ADGRA2: variants seen among roughly 807,000 people sequenced by gnomAD.
The protein encoded by ADGRA2 is adhesion G protein-coupled receptor A2, also known as G-protein coupled receptor 124.
A neutral mutation model predicts 98.7 loss-of-function variants in ADGRA2; 61 were observed. That is an observed-to-expected ratio of 0.62 (90% CI 0.50 to 0.76). ADGRA2 has a LOEUF of 0.76. Among genes scored for constraint, ADGRA2 ranks in the 30% least tolerant of loss-of-function variants. The probability of loss-of-function intolerance (pLI) is 0.00; values close to 1 mark genes in which losing one functional copy is unlikely to be tolerated. For missense variants in ADGRA2, 1,712 were observed against 1,860.0 expected, an observed-to-expected ratio of 0.92 and a Z score of 1.46; for synonymous variants, 858 against 831.5, an observed-to-expected ratio of 1.03 and a Z score of -0.55.
At chr8:37,819,369 C>CTTATTA (rs201905533) in intron 2 of ADGRA2, among the ~76,000 whole-genome samples, 4 of 152,098 alleles carry the variant, frequency 2.6e-5, no homozygotes, top group African/African-American at 9.6e-5. Context: ...TATGCAAATA[C>CTTATTA]TTACTATTAT....
chr8:37,806,988 G>C (rs1330816459), intron 1 of ADGRA2, among the ~76,000 whole-genome samples: 1 of 152,210 alleles, frequency 6.6e-6, no homozygotes, highest in African/African-American at 2.4e-5. Context: ...AGACCTATGA[G>C]AGAAGGCAGG....
intron 2 of ADGRA2, among the ~76,000 whole-genome samples, chr8:37,816,081 C>G (rs1027646669): frequency 2.0e-5 from 3 of 152,160 alleles, no homozygotes; most frequent in African/African-American, 7.2e-5. Context: ...CAAAAACAGC[C>G]CAGGCAATTG....
chr8:37,818,117 C>T (rs1400723277), intron 2 of ADGRA2, among the ~76,000 whole-genome samples: 1 of 152,212 alleles, frequency 6.6e-6, no homozygotes, highest in Non-Finnish European at 1.5e-5. Flanking sequence ...CTCTGCTCAG[C>T]CCAGGCTTGG....
chr8:37,835,436 A>G, intron 12 of ADGRA2, 38 bp downstream of exon 12: 1 of 1,565,646 alleles, frequency 6.4e-7, no homozygotes, highest in Non-Finnish European at 8.7e-7. Context: ...GGGAGAAGGG[A>G]GGCACTCAGA....
Position 37,841,447 on chromosome 8 carries a change from G to T in ADGRA2, c.3109G>T (p.Ala1037Ser), listed in dbSNP as rs547298880. 4 of 1,612,962 alleles carry T rather than the reference G, an allele frequency of 2.5e-6. No individual in the cohort carries two copies. Among genetic ancestry groups the T allele is most frequent in the Admixed American group, 1.7e-5 (1 of 59,974 alleles). Residue 1037 changes from alanine to serine, a missense_variant, in exon 19 of 19, where the codon GCT (alanine) becomes TCT (serine). Coordinates refer to ENST00000412232, the MANE Select transcript of ADGRA2 (RefSeq NM_032777.10). This position sits in a 1 kb window ranked among gnomAD's most constrained non-coding sequence, Gnocchi z 5.0. Reference sequence around the variant, plus strand: ...GTACTTGGCCATGTGGGCCTGCGGGGCTCTGGCAGTGTCCCAGCGCTGGCT... The same window carrying T: ...GTACTTGGCCATGTGGGCCTGCGGGTCTCTGGCAGTGTCCCAGCGCTGGCT... The part of the protein sequence containing the change: ...FLYLAMWACG[A>S]LAVSQRWLPR...
intron 2 of ADGRA2, among the ~76,000 whole-genome samples, chr8:37,826,900 C>T (rs1805299690): frequency 6.7e-6 from 1 of 150,152 alleles, no homozygotes; most frequent in South Asian, 2.1e-4. Context: ...CAACCCTGAC[C>T]CCCTCCTCCA....
rs1804916234 is a variant in ADGRA2, at chr8:37,814,128, C to A, written c.267-768C>A. On this transcript the variant is annotated intron_variant, in intron 1 of 18. Transcript: ENST00000412232. The surrounding 1 kb of genome is among the most constrained non-coding windows in gnomAD (Gnocchi z 4.3). ...TTGGCTGGCCTGGATCTCCCTCCTC[C>A]CAGCAGGGAGCTTGGCAGAGAAAGG... 6.6e-6 allele frequency among the ~76,000 whole-genome samples: 1 copy of A among 152,184 alleles called. No homozygotes were observed. Among genetic ancestry groups the A allele is most frequent in the Non-Finnish European group, 1.5e-5 (1 of 68,030 alleles).
intron 1 of ADGRA2, among the ~76,000 whole-genome samples, chr8:37,806,098 T>C (rs1804651555): frequency 1.3e-5 from 2 of 152,254 alleles, no homozygotes; most frequent in East Asian, 1.9e-4. Context: ...TTAAGGTCAG[T>C]TGGGGGTAAT....
rs1183253810 is a variant in ADGRA2 at position 37,797,983 on chromosome 8, T to C, written c.266+449T>C. On this transcript the variant is annotated intron_variant, in intron 1 of 18. Coordinates refer to ENST00000412232, the MANE Select transcript of ADGRA2 (RefSeq NM_032777.10). The surrounding 1 kb of genome is among the most constrained non-coding windows in gnomAD (Gnocchi z 5.3). ...CGTCCCGGACTGGGCTGGAGGAGTC[T>C]CCGGATTTACCTGGCTGGCCTTGTC... Among the ~76,000 whole-genome samples the C allele has an allele frequency of 6.6e-6, 1 of 152,224 alleles. No homozygotes were observed. The highest frequency in any genetic ancestry group is 2.4e-5 in the African/African-American group (1 of 41,466).
chr8:37,828,865 G>A, intron 2 of ADGRA2, 23 bp from the exon 3 acceptor site: 3 of 1,586,158 alleles, frequency 1.9e-6, no homozygotes, highest in South Asian at 1.1e-5. Flanking sequence ...GAGGTGTGAG[G>A]GCCTCTGCAC....
chr8:37,840,093 C>A, intron 16 of ADGRA2, 28 bp from the exon 17 acceptor site: 1 of 1,549,572 alleles, frequency 6.5e-7, no homozygotes, highest in Non-Finnish European at 8.7e-7. Flanking sequence ...GTCCCCAGGT[C>A]CCCAGCCTCC....
At chr8:37,821,742 C>G (rs1805132385) in intron 2 of ADGRA2, among the ~76,000 whole-genome samples, 1 of 152,178 alleles carries the variant, frequency 6.6e-6, no homozygotes, top group African/African-American at 2.4e-5. Context: ...CCCGGTCAGC[C>G]CCGGGATGAT....
In ADGRA2 at chr8:37,835,566, C is replaced by G; in HGVS notation, c.1846C>G (p.Leu616Val). The change falls in exon 13 of 19, where the codon CTG (leucine) becomes GTG (valine). Residue 616 changes from leucine (L) to valine (V), a missense_variant. Transcript: ENST00000412232. ...SSFHIKNSVA[L>V]ASIQLPPSLF... ...TATGTCCCCCCAGAACAGCGTGGCC[C>G]TGGCCTCCATCCAGCTGCCCCCGAG... is the stretch of plus-strand genomic sequence containing the variant. 1 of 1,612,082 alleles carries G rather than the reference C, an allele frequency of 6.2e-7. No individual in the cohort carries two copies. The highest frequency in any genetic ancestry group is 8.5e-7 in the Non-Finnish European group (1 of 1,178,176).
intron 13 of ADGRA2, 71 bp downstream of exon 13, chr8:37,835,841 C>T (rs1805595782): frequency 1.1e-6 from 1 of 941,896 alleles, no homozygotes; most frequent in Admixed American, 2.0e-5. Flanking sequence ...TTTATCCTGC[C>T]CTTCCCTGGC....
chr8:37,801,093 G>A (rs1804488275), intron 1 of ADGRA2, among the ~76,000 whole-genome samples: 2 of 152,160 alleles, frequency 1.3e-5, no homozygotes, highest in African/African-American at 4.8e-5. Context: ...CCTTCCTGCA[G>A]TCAGAGGCGA....
Position 37,817,385 on chromosome 8 carries a change from A to G in ADGRA2, c.338+2418A>G, listed in dbSNP as rs555710871. On this transcript the variant is annotated intron_variant, in intron 2 of 18. Coordinates refer to ENST00000412232, the MANE Select transcript of ADGRA2 (RefSeq NM_032777.10). ...CTCACAGACAGAGTGGTCCTGATGCACAGGAAGGGCTGCCACCAAGCTGCT... is the reference window on the plus strand; with the variant it reads ...CTCACAGACAGAGTGGTCCTGATGCGCAGGAAGGGCTGCCACCAAGCTGCT... Among the ~76,000 whole-genome samples the G allele has an allele frequency of 9.4e-3, 1,434 of 152,238 alleles. 24 individuals carry two copies. The highest frequency in any genetic ancestry group is 0.033 in the African/African-American group (1,355 of 41,528).
At chr8:37,810,679 T>C (rs1160096422) in intron 1 of ADGRA2, among the ~76,000 whole-genome samples, 1 of 152,086 alleles carries the variant, frequency 6.6e-6, no homozygotes, top group African/African-American at 2.4e-5. Context: ...AAAAATGTTT[T>C]ATAGAGACAG....
intron 1 of ADGRA2, among the ~76,000 whole-genome samples, chr8:37,812,356 G>A (rs1388154725): frequency 2.6e-5 from 4 of 152,058 alleles, no homozygotes; most frequent in East Asian, 1.9e-4. Flanking sequence ...GGCTGGGCGC[G>A]GTGGCTCACG....
chr8:37,829,878 T>A lies in ADGRA2; in HGVS notation c.582T>A (p.Cys194Ter). 1 of 1,612,974 alleles carries A rather than the reference T, an allele frequency of 6.2e-7. No homozygotes were observed. The highest frequency in any genetic ancestry group is 8.5e-7 in the Non-Finnish European group (1 of 1,179,896). The stretch of plus-strand genomic sequence containing the variant: ...ACTTGGGCACCGAGTTCCTGACCTG[T>A]GACTGCCACCTGCGCTGGCTGCTGC... Reference protein sequence around the residue: ...VVDLGTEFLTCDCHLRWLLPW... With the variant: ...VVDLGTEFLT Residue 194 changes from cysteine (C) to a stop codon, truncating the protein, a stop_gained, in exon 6 of 19, where the codon TGT becomes TGA. Coordinates refer to ENST00000412232, the MANE Select transcript of ADGRA2 (RefSeq NM_032777.10). LOFTEE classifies it high-confidence loss of function.
Sources: gnomAD v4.1 joint callset for allele counts (sites outside exome capture counted in the v4.1 genomes callset) on GRCh38, gnomAD v4.1.1 for gene constraint, Gnocchi (gnomAD v3.1) non-coding constraint, MANE v1.5 for transcripts, NCBI Gene and HGNC (gene_info 2026-07-23, HGNC 2026-07-21) for gene names.